DPF3: variants seen among roughly 807,000 people sequenced by gnomAD.
DPF3 encodes zinc finger protein DPF3.
A neutral mutation model predicts 56.8 loss-of-function variants in DPF3; 18 were observed. The observed-to-expected ratio is 0.32, with a 90% confidence interval of 0.22 to 0.47. The LOEUF is 0.47. DPF3 is among the 20% of genes least tolerant of loss of function. The pLI, the probability that DPF3 is intolerant of heterozygous loss-of-function variation, is 1.00. For synonymous variants in DPF3, 188 were observed against 180.2 expected, an observed-to-expected ratio of 1.04 and a Z score of -0.35; for missense variants, 403 against 488.8, an observed-to-expected ratio of 0.82 and a Z score of 1.65.
intron 1 of DPF3, among the ~76,000 whole-genome samples, chr14:72,884,971 T>TATGTATATATATATATA (rs10523148): frequency 9.0e-6 from 1 of 111,684 alleles, no homozygotes; most frequent in Non-Finnish European, 1.9e-5. Flanking sequence ...TATATATATA[T>TATGTATATATATATATA]TAGCCGGGCG....
intron 1 of DPF3, among the ~76,000 whole-genome samples, chr14:72,867,993 G>C (rs189437412): frequency 1.3e-5 from 2 of 151,824 alleles, no homozygotes; most frequent in African/African-American, 4.8e-5. Flanking sequence ...TGGCTGCCTC[G>C]GCCTCCCAAA....
intron 1 of DPF3, among the ~76,000 whole-genome samples, chr14:72,790,682 T>C (rs1437334002): frequency 6.6e-6 from 1 of 152,144 alleles, no homozygotes; most frequent in Non-Finnish European, 1.5e-5. Context: ...TTAACCCCCA[T>C]TCTGTCAGTC....
intron 8 of DPF3, among the ~76,000 whole-genome samples, chr14:72,666,056 G>A (rs1239529819): frequency 1.3e-5 from 2 of 152,134 alleles, no homozygotes; most frequent in Non-Finnish European, 2.9e-5. Context: ...CATGCAGAAT[G>A]GCTTTTCCTA....
intron 1 of DPF3, among the ~76,000 whole-genome samples, chr14:72,825,250 T>C (rs1161298658): frequency 6.6e-6 from 1 of 152,226 alleles, no homozygotes; most frequent in South Asian, 2.1e-4. Flanking sequence ...TGTCAAGAAC[T>C]AGATCTTATA....
intron 3 of DPF3, among the ~76,000 whole-genome samples, chr14:72,747,840 C>T (rs1890388947): frequency 6.6e-6 from 1 of 152,166 alleles, no homozygotes; most frequent in Admixed American, 6.5e-5. Context: ...CACAAGCTCT[C>T]TCTTTGACTC....
intron 1 of DPF3, among the ~76,000 whole-genome samples, chr14:72,783,642 G>A (rs1323502110): frequency 6.6e-6 from 1 of 152,230 alleles, no homozygotes; most frequent in African/African-American, 2.4e-5. Flanking sequence ...AACCTGGAGA[G>A]AGACTGGGGT....
At chr14:72,739,697 A>G (rs932177896) in intron 3 of DPF3, among the ~76,000 whole-genome samples, 3 of 152,176 alleles carry the variant, frequency 2.0e-5, no homozygotes, top group African/African-American at 7.2e-5. Flanking sequence ...GTGCTGCTCC[A>G]AGTCCAGGGT....
chr14:72,796,446 T>C (rs978820591), intron 1 of DPF3, among the ~76,000 whole-genome samples: 1 of 152,168 alleles, frequency 6.6e-6, no homozygotes, highest in African/African-American at 2.4e-5. Flanking sequence ...GAGGTTACAA[T>C]AAGCCAAGAT....
rs1346399244 is a variant in DPF3 at position 72,617,767 on chromosome 14, G to C, written c.*1530C>G. Among the ~76,000 whole-genome samples, 1 of 152,186 alleles carries C rather than the reference G, an allele frequency of 6.6e-6. No individual in the cohort carries two copies. The highest frequency in any genetic ancestry group is 1.5e-5 in the Non-Finnish European group (1 of 68,024). ...CGGCCGGGCAGAGGTGGCCCAACTAGCCCGAGTCTCCGGGAGCGTCCTCAG... is the reference window on the plus strand; with the variant it reads ...CGGCCGGGCAGAGGTGGCCCAACTACCCCGAGTCTCCGGGAGCGTCCTCAG... On this transcript the variant is annotated 3_prime_UTR_variant, in exon 11 of 11. Coordinates refer to ENST00000556509, the MANE Select transcript of DPF3 (RefSeq NM_001280542.3).
chr14:72,672,048 C>CAT (rs1567195999), intron 8 of DPF3, among the ~76,000 whole-genome samples: 1 of 121,458 alleles, frequency 8.2e-6, no homozygotes, highest in Non-Finnish European at 1.7e-5. Flanking sequence ...CACACACACA[C>CAT]ACACACACAC....
Position 72,616,436 on chromosome 14 carries a change from C to A in DPF3, c.*2861G>T, listed in dbSNP as rs926298989. ...CATGATTTCCTTGGTCGCAGCCCAG[C>A]CCTGGCAATATAAACTCCCTTTGGT... On this transcript the variant is annotated 3_prime_UTR_variant, in exon 11 of 11. Transcript: ENST00000556509. Among the ~76,000 whole-genome samples, 4 of 152,160 alleles carry A rather than the reference C, an allele frequency of 2.6e-5. No individual in the cohort carries two copies. The highest frequency in any genetic ancestry group is 5.9e-5 in the Non-Finnish European group (4 of 68,040).
intron 1 of DPF3, among the ~76,000 whole-genome samples, chr14:72,817,385 G>A (rs904485182): frequency 2.6e-5 from 4 of 152,132 alleles, no homozygotes; most frequent in African/African-American, 4.8e-5. Context: ...GGCTGGGCAC[G>A]GTGGCTCACA....
intron 6 of DPF3, among the ~76,000 whole-genome samples, chr14:72,707,615 C>A (rs1888459584): frequency 6.6e-6 from 1 of 152,124 alleles, no homozygotes; most frequent in South Asian, 2.1e-4. Context: ...CCTGATGTAT[C>A]ACTGAGTGGG....
intron 3 of DPF3, among the ~76,000 whole-genome samples, chr14:72,745,433 TTTG>T (rs57097392): frequency 0.22 from 33,538 of 152,034 alleles, 4,066 homozygotes; most frequent in Middle Eastern, 0.33. Flanking sequence ...GTTTCCATTC[TTTG>T]TTGTTATTAC....
At chr14:72,780,102 C>T (rs1891911140) in intron 1 of DPF3, among the ~76,000 whole-genome samples, 1 of 152,348 alleles carries the variant, frequency 6.6e-6, no homozygotes, top group African/African-American at 2.4e-5. Flanking sequence ...CCTCCTCTGA[C>T]CCCCCTGCAT....
intron 2 of DPF3, among the ~76,000 whole-genome samples, chr14:72,762,855 CT>C (rs1296168115): frequency 6.6e-6 from 1 of 151,856 alleles, no homozygotes; most frequent in African/African-American, 2.4e-5. Flanking sequence ...AGATAATCAA[CT>C]ATATAGAAAA....
chr14:72,846,078 GTTTATTTTA>G (rs1203450372), intron 1 of DPF3, among the ~76,000 whole-genome samples: 1 of 133,652 alleles, frequency 7.5e-6, no homozygotes, highest in Non-Finnish European at 1.6e-5. Flanking sequence ...TTATTTTACT[GTTTATTTTA>G]TTTTATTTTA....
intron 1 of DPF3, among the ~76,000 whole-genome samples, chr14:72,818,993 AATAT>A (rs1461217652): frequency 6.6e-6 from 1 of 152,234 alleles, no homozygotes; most frequent in Non-Finnish European, 1.5e-5. Flanking sequence ...CTATATCCAG[AATAT>A]ATAAAGAACT....
chr14:72,788,099 C>T (rs1892282765), intron 1 of DPF3, among the ~76,000 whole-genome samples: 1 of 152,202 alleles, frequency 6.6e-6, no homozygotes, highest in Non-Finnish European at 1.5e-5. Flanking sequence ...GATCCCAGCC[C>T]TTCACAGTGC....
Sources: allele counts gnomAD v4.1 joint callset (sites outside exome capture counted in the v4.1 genomes callset), GRCh38; gene constraint gnomAD v4.1.1; transcripts MANE v1.5; gene names NCBI Gene and HGNC (gene_info 2026-07-23, HGNC 2026-07-21).